LSAMP: variants seen among roughly 807,000 people sequenced by gnomAD.
LSAMP encodes limbic system associated membrane protein, also known as limbic system-associated membrane protein.
A neutral mutation model predicts 38.6 loss-of-function variants in LSAMP; 7 were observed. The ratio of observed to expected loss-of-function variants is 0.18; its 90% CI spans 0.10 to 0.34. The LOEUF (loss-of-function observed/expected upper bound fraction) is 0.34, where lower values mean the gene tolerates loss of function less well. Ranked by LOEUF, LSAMP falls within the 10% of genes least tolerant of loss-of-function variation. The pLI is 1.00. For synonymous variants in LSAMP, 154 were observed against 166.8 expected (o/e 0.92, Z 0.59); for missense variants, 313 against 420.0 (o/e 0.75, Z 2.23).
chr3:116,438,715 G>C (rs2049388995), intron 1 of LSAMP, among the ~76,000 whole-genome samples: 1 of 152,206 alleles, frequency 6.6e-6, no homozygotes, highest in East Asian at 1.9e-4. Flanking sequence ...AAACAACTTA[G>C]AACAGTTCTG....
intron 1 of LSAMP, among the ~76,000 whole-genome samples, chr3:116,097,486 T>C (rs1576360404): frequency 1.3e-5 from 2 of 152,324 alleles, no homozygotes; most frequent in African/African-American, 4.8e-5. Flanking sequence ...CATCATTACA[T>C]TACATGCATT....
chr3:115,896,717 TCTC>T (rs1194874984), intron 3 of LSAMP, among the ~76,000 whole-genome samples: 1 of 152,120 alleles, frequency 6.6e-6, no homozygotes, highest in Admixed American at 6.6e-5. Context: ...TTTCTACTGT[TCTC>T]CTCATTTTTC....
chr3:116,073,049 T>C (rs1167309575), intron 2 of LSAMP, among the ~76,000 whole-genome samples: 1 of 152,204 alleles, frequency 6.6e-6, no homozygotes, highest in Non-Finnish European at 1.5e-5. Context: ...GGTTTCACAT[T>C]TTAGTCTTCA....
intron 1 of LSAMP, among the ~76,000 whole-genome samples, chr3:116,330,734 T>C (rs1576133435): frequency 6.6e-6 from 1 of 152,110 alleles, no homozygotes; most frequent in Non-Finnish European, 1.5e-5. Flanking sequence ...GGCTGATCCA[T>C]GGCACAGAAA....
At chr3:116,327,994 T>A (rs1488975238) in intron 1 of LSAMP, among the ~76,000 whole-genome samples, 1 of 152,146 alleles carries the variant, frequency 6.6e-6, no homozygotes. Flanking sequence ...TCTGAGGCAC[T>A]GTTTCACTCA....
intron 1 of LSAMP, among the ~76,000 whole-genome samples, chr3:116,223,371 CA>C (rs1469902682): frequency 6.6e-6 from 1 of 152,048 alleles, no homozygotes; most frequent in Non-Finnish European, 1.5e-5. Flanking sequence ...TTTAACCAGT[CA>C]AAAATTAATT....
Position 116,019,622 on chromosome 3 carries a change from T to C in LSAMP, c.407A>G (p.Asn136Ser), listed in dbSNP as rs570880479. 7 of 1,612,290 alleles carry C rather than the reference T, an allele frequency of 4.3e-6. No individual in the cohort carries two copies. The highest frequency in any genetic ancestry group is 2.2e-5 in the South Asian group (2 of 91,018). ...ATTCACAGTGACATCCGAGGAGATA[T>C]TGGAGATCTTTGGTGGGACTGTGAA... is the stretch of plus-strand genomic sequence containing the variant. The part of the protein sequence containing the change: ...LIVQVPPKIS[N>S]ISSDVTVNEG... The change falls in exon 3 of 7, where the codon AAT becomes AGT. Residue 136 changes from asparagine to serine, a missense_variant. By Grantham distance (46) the Asn-to-Ser change is conservative. Transcript: ENST00000490035.
chr3:116,429,503 G>A (rs943267571), intron 1 of LSAMP, among the ~76,000 whole-genome samples: 1 of 152,120 alleles, frequency 6.6e-6, no homozygotes, highest in African/African-American at 2.4e-5. Context: ...TTGCTGATGA[G>A]TGCACTTGAT....
intron 1 of LSAMP, among the ~76,000 whole-genome samples, chr3:116,265,016 C>T (rs1210888332): frequency 6.6e-6 from 1 of 152,164 alleles, no homozygotes; most frequent in Non-Finnish European, 1.5e-5. Context: ...CTGAGGCTCT[C>T]TAGAGGCTCC....
At chr3:116,441,811 C>A (rs1268486321) in intron 1 of LSAMP, among the ~76,000 whole-genome samples, 1 of 152,164 alleles carries the variant, frequency 6.6e-6, no homozygotes, top group Admixed American at 6.5e-5. Flanking sequence ...AATATAAATG[C>A]AGATTCTGGT....
chr3:115,851,256 G>A (rs1378377718), intron 4 of LSAMP, among the ~76,000 whole-genome samples: 2 of 152,168 alleles, frequency 1.3e-5, no homozygotes, highest in African/African-American at 4.8e-5. Context: ...TTACAGGGGT[G>A]AGCCACCATA....
intron 3 of LSAMP, among the ~76,000 whole-genome samples, chr3:115,984,465 G>A (rs1356790888): frequency 2.0e-5 from 3 of 152,142 alleles, no homozygotes; most frequent in Admixed American, 6.5e-5. Flanking sequence ...CATTTACTGA[G>A]AGTCTACTAT....
At chr3:116,019,787 G>T in intron 2 of LSAMP, 147 bp from the exon 3 acceptor site, 2 of 804,352 alleles carry the variant, frequency 2.5e-6, no homozygotes, top group Non-Finnish European at 3.9e-6. Context: ...ACCCATGCTT[G>T]CCATCTGCTT....
At chr3:115,926,473 A>T (rs933839073) in intron 3 of LSAMP, among the ~76,000 whole-genome samples, 1 of 152,246 alleles carries the variant, frequency 6.6e-6, no homozygotes, top group African/African-American at 2.4e-5. Flanking sequence ...GAGAACAGAT[A>T]AAATTTTTGC....
chr3:116,091,907 G>T (rs2107434639), intron 1 of LSAMP, among the ~76,000 whole-genome samples: 1 of 152,252 alleles, frequency 6.6e-6, no homozygotes, highest in East Asian at 1.9e-4. Context: ...ATGCTATAAA[G>T]TGCCACCTCT....
At chr3:115,915,341 T>C (rs934744942) in intron 3 of LSAMP, among the ~76,000 whole-genome samples, 14 of 152,244 alleles carry the variant, frequency 9.2e-5, no homozygotes, top group African/African-American at 3.4e-4. Context: ...GTTTCTCCAG[T>C]GTCTGCTTGC....
chr3:116,199,670 T>G lies in LSAMP; in HGVS notation c.156-113114A>C, dbSNP rs144602964. 6.7e-3 allele frequency among the ~76,000 whole-genome samples: 1,016 copies of G among 152,264 alleles called. 14 individuals are homozygous for G. Among genetic ancestry groups the G allele is most frequent in the African/African-American group, 0.023 (963 of 41,552 alleles). ...AAGACAAGACAGAATTTCCAGAAGA[T>G]GAACAGTATGAAATGTTAGAGAGCA... On this transcript the variant is annotated intron_variant, in intron 1 of 6. Coordinates refer to ENST00000490035, the MANE Select transcript of LSAMP (RefSeq NM_002338.5).
At chr3:115,921,948 A>T (rs1230910826) in intron 3 of LSAMP, among the ~76,000 whole-genome samples, 1 of 152,050 alleles carries the variant, frequency 6.6e-6, no homozygotes, top group Non-Finnish European at 1.5e-5. Flanking sequence ...CTTGTATGTG[A>T]TATATTGCAT....
intron 6 of LSAMP, among the ~76,000 whole-genome samples, chr3:115,827,894 A>G (rs925946843): frequency 6.6e-6 from 1 of 152,164 alleles, no homozygotes. Flanking sequence ...GTAAGGTGGG[A>G]TCTCTCATAC....
Sources: gnomAD v4.1 joint callset for allele counts (sites outside exome capture counted in the v4.1 genomes callset) on GRCh38, gnomAD v4.1.1 for gene constraint, MANE v1.5 for transcripts, NCBI Gene and HGNC (gene_info 2026-07-23, HGNC 2026-07-21) for gene names.